Variants in HYDIN observed in about 807,000 individuals in gnomAD.
The protein encoded by HYDIN is HYDIN axonemal central pair apparatus protein.
A neutral mutation model predicts 403.9 loss-of-function variants in HYDIN; 132 were observed. That is an observed-to-expected ratio of 0.33 (90% CI 0.28 to 0.38). HYDIN has a LOEUF of 0.38. Among genes scored for constraint, HYDIN ranks in the 10% least tolerant of loss-of-function variants. HYDIN has a pLI of 1.00. For synonymous variants in HYDIN, 1,202 were observed against 1,891.7 expected (o/e 0.64, Z 9.46); for missense variants, 2,827 against 5,009.5 (o/e 0.56, Z 13.15).
At chr16:71,216,637 T>A (rs1195044963) in intron 1 of HYDIN, among the ~76,000 whole-genome samples, 1 of 152,220 alleles carries the variant, frequency 6.6e-6, no homozygotes, top group Non-Finnish European at 1.5e-5. Flanking sequence ...ACGTGTATGT[T>A]CTATTCCACA....
chr16:70,931,869 G>C (rs552376985), intron 45 of HYDIN, among the ~76,000 whole-genome samples: 50 of 150,136 alleles, frequency 3.3e-4, no homozygotes, highest in African/African-American at 1.2e-3. Context: ...ACTAAAATTA[G>C]CCAGGCATGG....
At chr16:71,107,257 C>T (rs371974267) in intron 10 of HYDIN, among the ~76,000 whole-genome samples, 5 of 150,736 alleles carry the variant, frequency 3.3e-5, no homozygotes, top group Admixed American at 2.0e-4. Flanking sequence ...ATGTAACAAA[C>T]CTGCACGTTG....
Position 71,067,398 on chromosome 16 carries a change from G to C in HYDIN, c.1975-8C>G. The C allele has an allele frequency of 6.3e-7, 1 of 1,594,618 alleles. No homozygotes were observed. Among genetic ancestry groups the C allele is most frequent in the East Asian group, 2.2e-5 (1 of 44,596 alleles). On this transcript the variant is annotated splice_region_variant and splice_polypyrimidine_tract_variant and intron_variant, in intron 14 of 85. Transcript: ENST00000393567. ...GTTGGAGCATAATGTCACCTGGAAAGAAAAAGGTGACAAGTTGGTCTTCGA... is the reference window on the plus strand; with the variant it reads ...GTTGGAGCATAATGTCACCTGGAAACAAAAAGGTGACAAGTTGGTCTTCGA...
At chr16:70,854,688 AAT>A (rs1283770050) in intron 73 of HYDIN, among the ~76,000 whole-genome samples, 2 of 128,402 alleles carry the variant, frequency 1.6e-5, no homozygotes. Flanking sequence ...TTGTACTTTT[AAT>A]AGAGATTGGG....
In HYDIN at chr16:70,882,032, T is replaced by C. The variant is rs1597211362; in HGVS notation, c.10215+628A>G. Among the ~76,000 whole-genome samples, 3 of 152,376 alleles carry C rather than the reference T, an allele frequency of 2.0e-5. No homozygotes were observed. In the South Asian group the frequency reaches 6.2e-4, roughly 32 times the overall value. On this transcript the variant is annotated intron_variant, in intron 60 of 85. Coordinates refer to ENST00000393567, the MANE Select transcript of HYDIN (RefSeq NM_001270974.2). Reference sequence around the variant, plus strand: ...GGCAGTTTCGAGCCTGGCAGCCCCCTGAGATGGGCAATTATTTCATCTTGT... The same window carrying C: ...GGCAGTTTCGAGCCTGGCAGCCCCCCGAGATGGGCAATTATTTCATCTTGT...
intron 18 of HYDIN, among the ~76,000 whole-genome samples, chr16:71,054,688 A>G (rs1204679101): frequency 6.6e-6 from 1 of 151,198 alleles, no homozygotes; most frequent in Non-Finnish European, 1.5e-5. Context: ...CAGCACTGAC[A>G]ATCTCCCTTG....
intron 35 of HYDIN, among the ~76,000 whole-genome samples, chr16:70,973,040 T>C (rs2078778220): frequency 6.6e-6 from 1 of 152,212 alleles, no homozygotes; most frequent in Non-Finnish European, 1.5e-5. Flanking sequence ...CTTTTATCTA[T>C]GAGTGAACTG....
At chr16:71,180,239 T>TGTC (rs1203830688) in intron 3 of HYDIN, among the ~76,000 whole-genome samples, 2 of 152,030 alleles carry the variant, frequency 1.3e-5, no homozygotes, top group Non-Finnish European at 2.9e-5. Context: ...ATAAATATTA[T>TGTC]GTCAATAAAT....
At chr16:71,182,417 G>A (rs1204024970) in intron 3 of HYDIN, among the ~76,000 whole-genome samples, 1 of 152,014 alleles carries the variant, frequency 6.6e-6, no homozygotes, top group African/African-American at 2.4e-5. Context: ...AATGGTGGTG[G>A]AGAACATGGT....
chr16:71,166,689 T>A (rs2144616493), intron 5 of HYDIN, among the ~76,000 whole-genome samples: 1 of 90,978 alleles, frequency 1.1e-5, no homozygotes, highest in East Asian at 3.1e-4. Context: ...GGTGCTTATT[T>A]CACATTGCAT....
chr16:71,186,849 C>T lies in HYDIN; in HGVS notation c.47G>A (p.Gly16Glu). The T allele has an allele frequency of 6.2e-7, 1 of 1,613,044 alleles. No individual in the cohort carries two copies. Among genetic ancestry groups the T allele is most frequent in the Non-Finnish European group, 8.5e-7 (1 of 1,179,154 alleles). Reference protein sequence around the residue: ...LEESMGAVQMGLVNMFKGFQS... With the variant: ...LEESMGAVQMELVNMFKGFQS... ...AAATCCTTTGAACATATTGACCAAT[C>T]CCATCTGAACAGCCCCCATGGACTC... Residue 16 changes from glycine (G) to glutamate (E), a missense_variant, in exon 2 of 86, where the codon GGA (glycine) becomes GAA (glutamate). Physicochemically the swap from Gly to Glu is moderately conservative, Grantham distance 98. Coordinates refer to ENST00000393567, the MANE Select transcript of HYDIN (RefSeq NM_001270974.2).
intron 1 of HYDIN, among the ~76,000 whole-genome samples, chr16:71,218,740 T>G (rs1342430493): frequency 1.3e-5 from 2 of 152,236 alleles, no homozygotes; most frequent in African/African-American, 4.8e-5. Context: ...TATTAATTAG[T>G]ATTCTTAGAG....
chr16:71,130,955 C>T (rs1472839674), intron 8 of HYDIN, among the ~76,000 whole-genome samples: 2 of 133,398 alleles, frequency 1.5e-5, no homozygotes, highest in East Asian at 2.2e-4. Flanking sequence ...TCATTGCCCC[C>T]ACCAGAGCTA....
intron 18 of HYDIN, among the ~76,000 whole-genome samples, chr16:71,052,057 G>A (rs1003446490): frequency 1.3e-5 from 2 of 152,270 alleles, no homozygotes; most frequent in African/African-American, 4.8e-5. Flanking sequence ...GATATTCATA[G>A]TAAAGCTCCA....
chr16:71,190,468 TAA>T (rs1170510970), intron 1 of HYDIN, among the ~76,000 whole-genome samples: 3 of 152,160 alleles, frequency 2.0e-5, no homozygotes, highest in Non-Finnish European at 2.9e-5. Flanking sequence ...TTGGAAATAA[TAA>T]AAGGAAAGAA....
chr16:70,812,034 C>A (rs1484799088), intron 84 of HYDIN, among the ~76,000 whole-genome samples: 1 of 92,558 alleles, frequency 1.1e-5, no homozygotes, highest in East Asian at 2.8e-4. Flanking sequence ...TAGTATTCCA[C>A]AAATTCTTTC....
chr16:71,157,838 C>T (rs1481293328), intron 6 of HYDIN, among the ~76,000 whole-genome samples: 2 of 142,618 alleles, frequency 1.4e-5, no homozygotes, highest in Non-Finnish European at 3.0e-5. Context: ...AAGCTTTTTC[C>T]ACCCCTGGAC....
At chr16:71,115,890 T>G (rs2144466942) in intron 9 of HYDIN, 95 bp from the exon 10 acceptor site, 1 of 761,202 alleles carries the variant, frequency 1.3e-6, no homozygotes, top group East Asian at 2.6e-5. Flanking sequence ...AAATTTTTTT[T>G]TCATAAAATT....
At chr16:70,953,611 T>C (rs2078139572) in intron 40 of HYDIN, among the ~76,000 whole-genome samples, 1 of 152,140 alleles carries the variant, frequency 6.6e-6, no homozygotes, top group African/African-American at 2.4e-5. Flanking sequence ...ACCTGCCTCG[T>C]CCAGCAAACA....
Sources: allele counts gnomAD v4.1 joint callset (sites outside exome capture counted in the v4.1 genomes callset), GRCh38; gene constraint gnomAD v4.1.1; transcripts MANE v1.5; gene names NCBI Gene and HGNC (gene_info 2026-07-23, HGNC 2026-07-21).